The following DENND4C variants were observed in gnomAD, a reference collection of about 807,000 sequenced individuals.
DENND4C encodes DENN domain-containing protein 4C.
DENND4C carries 108 observed loss-of-function variants against 203.0 expected under a neutral mutation model. The ratio of observed to expected loss-of-function variants is 0.53; its 90% CI spans 0.46 to 0.62. DENND4C has a LOEUF of 0.62. DENND4C is among the 20% of genes least tolerant of loss of function. DENND4C has a pLI of 0.00. For missense variants in DENND4C, 2,481 were observed against 2,301.2 expected, an observed-to-expected ratio of 1.08 and a Z score of -1.60; for synonymous variants, 871 against 792.4, an observed-to-expected ratio of 1.10 and a Z score of -1.67.
chr9:19,267,222 A>C (rs1401882914), intron 1 of DENND4C, among the ~76,000 whole-genome samples: 1 of 152,154 alleles, frequency 6.6e-6, no homozygotes, highest in Non-Finnish European at 1.5e-5. Context: ...AGTTTCCAGC[A>C]ATTACTGTGT....
At chr9:19,254,727 T>G (rs1681614359) in intron 1 of DENND4C, among the ~76,000 whole-genome samples, 1 of 152,220 alleles carries the variant, frequency 6.6e-6, no homozygotes, top group Non-Finnish European at 1.5e-5. Flanking sequence ...GTTGATTGTG[T>G]TAATTTGACT....
At chr9:19,363,437 G>A (rs546042111) in intron 30 of DENND4C, among the ~76,000 whole-genome samples, 13 of 152,090 alleles carry the variant, frequency 8.5e-5, no homozygotes, top group African/African-American at 2.4e-4. Flanking sequence ...GCTTGAACCC[G>A]GGAGGCGGAG....
rs1351910943 is a variant in DENND4C at position 19,374,021 on chromosome 9, C to T, written c.*1848C>T. 7.9e-5 allele frequency among the ~76,000 whole-genome samples: 12 copies of T among 152,204 alleles called. No individual in the cohort carries two copies. Among genetic ancestry groups the T allele is most frequent in the African/African-American group, 2.9e-4 (12 of 41,538 alleles). Reference sequence around the variant, plus strand: ...CACTGTCTGAGAGTATATATTTTTGCAACTCAAGACTTGGTACTAGTTTTA... The same window carrying T: ...CACTGTCTGAGAGTATATATTTTTGTAACTCAAGACTTGGTACTAGTTTTA... On this transcript the variant is annotated 3_prime_UTR_variant, in exon 33 of 33. Transcript: ENST00000434457.
At chr9:19,293,101 C>G (rs1033888626) in intron 5 of DENND4C, among the ~76,000 whole-genome samples, 1 of 152,160 alleles carries the variant, frequency 6.6e-6, no homozygotes, top group South Asian at 2.1e-4. Context: ...GCTTAATAAT[C>G]ATTTACAATT....
intron 1 of DENND4C, among the ~76,000 whole-genome samples, chr9:19,259,302 A>G (rs1396777108): frequency 2.6e-5 from 4 of 151,660 alleles, no homozygotes; most frequent in Non-Finnish European, 5.9e-5. Context: ...TGTTTCCATT[A>G]GTTTAATTGT....
chr9:19,372,124 G>C lies in DENND4C; in HGVS notation c.5828G>C (p.Ser1943Thr). Reference protein sequence around the residue: ...ERLQKIDAPPSASVEWCRKCF... With the variant: ...ERLQKIDAPPTASVEWCRKCF... ...TTGCAGAAAATTGATGCTCCACCAAGTGCCAGTGTCGAGTGGTGCAGGAAG... is the reference window on the plus strand; with the variant it reads ...TTGCAGAAAATTGATGCTCCACCAACTGCCAGTGTCGAGTGGTGCAGGAAG... The change falls in exon 33 of 33, where the codon AGT (serine) becomes ACT (threonine). Residue 1943 changes from serine (S) to threonine (T), a missense_variant. Transcript: ENST00000434457. 2 of 1,614,108 alleles carry C rather than the reference G, an allele frequency of 1.2e-6. No individual in the cohort carries two copies. The highest frequency in any genetic ancestry group is 8.5e-7 in the Non-Finnish European group (1 of 1,180,002).
At chr9:19,303,065 C>A (rs1286618038) in intron 9 of DENND4C, among the ~76,000 whole-genome samples, 2 of 151,142 alleles carry the variant, frequency 1.3e-5, no homozygotes, top group African/African-American at 4.9e-5. Flanking sequence ...ATCTAAAATG[C>A]TTGGAAAGAA....
intron 1 of DENND4C, among the ~76,000 whole-genome samples, chr9:19,254,780 A>G (rs1827518096): frequency 6.6e-6 from 1 of 152,292 alleles, no homozygotes; most frequent in South Asian, 2.1e-4. Context: ...CCAAATCATC[A>G]TTTTATATAC....
intron 12 of DENND4C, among the ~76,000 whole-genome samples, chr9:19,320,601 A>C (rs952489359): frequency 6.6e-6 from 1 of 152,230 alleles, no homozygotes; most frequent in Non-Finnish European, 1.5e-5. Flanking sequence ...TGGTTACTGA[A>C]TTAAACAGTG....
At chr9:19,235,823 C>G (rs752908823) in intron 1 of DENND4C, among the ~76,000 whole-genome samples, 2 of 151,948 alleles carry the variant, frequency 1.3e-5, no homozygotes, top group Non-Finnish European at 2.9e-5. Flanking sequence ...TGGTCTCGAT[C>G]TTTTGACCTT....
intron 17 of DENND4C, among the ~76,000 whole-genome samples, chr9:19,333,900 C>T (rs994539368): frequency 2.0e-4 from 31 of 152,288 alleles, no homozygotes; most frequent in Middle Eastern, 3.4e-3. Context: ...GTATATTTAA[C>T]TGTCTTCTCA....
At chr9:19,252,106 G>T (rs1176910155) in intron 1 of DENND4C, among the ~76,000 whole-genome samples, 1 of 152,142 alleles carries the variant, frequency 6.6e-6, no homozygotes, top group Non-Finnish European at 1.5e-5. Context: ...CAAAGGAAAG[G>T]GGTTTATTGG....
At chr9:19,342,146 A>C (rs993802131) in intron 21 of DENND4C, among the ~76,000 whole-genome samples, 9 of 151,600 alleles carry the variant, frequency 5.9e-5, no homozygotes, top group Non-Finnish European at 1.2e-4. Flanking sequence ...AAAAAAAAAA[A>C]AGTCTATGTG....
chr9:19,259,173 A>G (rs1345158150), intron 1 of DENND4C, among the ~76,000 whole-genome samples: 1 of 152,098 alleles, frequency 6.6e-6, no homozygotes, highest in Non-Finnish European at 1.5e-5. Flanking sequence ...CTGTTGTGCT[A>G]TCAAATACTA....
At chr9:19,320,202 CT>C (rs969192536) in intron 12 of DENND4C, among the ~76,000 whole-genome samples, 384 of 145,012 alleles carry the variant, frequency 2.6e-3, no homozygotes, top group Admixed American at 3.7e-3. Flanking sequence ...TCACAAACAT[CT>C]TTTTTTTTTT....
chr9:19,300,096 C>T (rs938710489), intron 8 of DENND4C, 91 bp from the exon 9 acceptor site: 14 of 1,272,426 alleles, frequency 1.1e-5, no homozygotes, highest in Non-Finnish European at 1.5e-5. Flanking sequence ...TAACACTAGA[C>T]TCTCAATCTG....
chr9:19,261,238 A>G (rs1829276551), intron 1 of DENND4C, among the ~76,000 whole-genome samples: 2 of 152,040 alleles, frequency 1.3e-5, no homozygotes, highest in African/African-American at 4.8e-5. Context: ...TTTTAATGCC[A>G]CTGACATGCT....
intron 3 of DENND4C, among the ~76,000 whole-genome samples, chr9:19,287,941 G>A (rs1835540605): frequency 6.6e-6 from 1 of 152,080 alleles, no homozygotes; most frequent in Non-Finnish European, 1.5e-5. Flanking sequence ...CATGTTGGTT[G>A]GCCAGGATGG....
chr9:19,253,681 T>C (rs1827215505), intron 1 of DENND4C, among the ~76,000 whole-genome samples: 1 of 152,228 alleles, frequency 6.6e-6, no homozygotes, highest in African/African-American at 2.4e-5. Context: ...AAAAATATCT[T>C]TTATTACAAT....
Sources: gnomAD v4.1 joint callset for allele counts (sites outside exome capture counted in the v4.1 genomes callset) on GRCh38, gnomAD v4.1.1 for gene constraint, MANE v1.5 for transcripts, NCBI Gene and HGNC (gene_info 2026-07-23, HGNC 2026-07-21) for gene names.